RALYL: variants seen among roughly 807,000 people sequenced by gnomAD.
The protein encoded by RALYL is RALY RNA binding protein like.
Under a neutral mutation model 35.1 loss-of-function variants are expected in RALYL, and 29 were observed. The ratio of observed to expected loss-of-function variants is 0.83; its 90% CI spans 0.61 to 1.13. The LOEUF (loss-of-function observed/expected upper bound fraction) is 1.13. Ranked by LOEUF, RALYL falls within the 50% of genes most tolerant of loss-of-function variation. The pLI is 0.00. For synonymous variants in RALYL, 120 were observed against 127.6 expected (o/e 0.94, Z 0.40); for missense variants, 359 against 360.4 (o/e 1.00, Z 0.03).
At chr8:84,454,718 A>G (rs911399611) in intron 1 of RALYL, among the ~76,000 whole-genome samples, 4 of 152,040 alleles carry the variant, frequency 2.6e-5, no homozygotes, top group Non-Finnish European at 5.9e-5. Context: ...TTAACATTCA[A>G]TGTTAGGTAC....
Position 84,422,061 on chromosome 8 carries a change from A to G in RALYL, c.-23-107238A>G, listed in dbSNP as rs529963410. On this transcript the variant is annotated intron_variant, in intron 1 of 8. Transcript: ENST00000521268. ...TTGGTATCAGGATGATGCTGGCCTC[A>G]TAAAATGAGTTAGGGAGGATTCCCT... is the stretch of plus-strand genomic sequence containing the variant. Among the ~76,000 whole-genome samples, 846 of 152,088 alleles carry G rather than the reference A, an allele frequency of 5.6e-3. 11 individuals carry two copies. Among genetic ancestry groups the G allele is most frequent in the African/African-American group, 0.019 (778 of 41,448 alleles).
At chr8:84,712,627 C>A (rs1227893335) in intron 2 of RALYL, among the ~76,000 whole-genome samples, 4 of 152,260 alleles carry the variant, frequency 2.6e-5, no homozygotes, top group Non-Finnish European at 2.9e-5. Context: ...CTTTTAATTT[C>A]TCTTCTAAGA....
chr8:84,331,332 G>T (rs1563745222), intron 1 of RALYL, among the ~76,000 whole-genome samples: 1 of 152,078 alleles, frequency 6.6e-6, no homozygotes, highest in Admixed American at 6.6e-5. Flanking sequence ...GAGTCACAGA[G>T]AAGTATAAGG....
At chr8:84,606,319 A>C (rs906324566) in intron 2 of RALYL, among the ~76,000 whole-genome samples, 2 of 152,106 alleles carry the variant, frequency 1.3e-5, no homozygotes, top group African/African-American at 4.8e-5. Context: ...TTTCAGCAAA[A>C]ATCCCCCAGT....
intron 8 of RALYL, among the ~76,000 whole-genome samples, chr8:84,888,949 C>G (rs1563814832): frequency 6.6e-6 from 1 of 152,076 alleles, no homozygotes; most frequent in African/African-American, 2.4e-5. Context: ...GCGGTTTCAC[C>G]ATGTTGGCCA....
chr8:84,661,077 C>T (rs1830811874), intron 2 of RALYL, among the ~76,000 whole-genome samples: 1 of 151,876 alleles, frequency 6.6e-6, no homozygotes, highest in Non-Finnish European at 1.5e-5. Flanking sequence ...TACAGGCGCC[C>T]CCCACCATGC....
chr8:84,419,550 T>A (rs1021189422), intron 1 of RALYL, among the ~76,000 whole-genome samples: 1 of 152,084 alleles, frequency 6.6e-6, no homozygotes, highest in Non-Finnish European at 1.5e-5. Context: ...TAACTTTTTT[T>A]TTTTTATTAT....
intron 2 of RALYL, among the ~76,000 whole-genome samples, chr8:84,615,376 G>A (rs1006818314): frequency 6.7e-6 from 1 of 150,292 alleles, no homozygotes; most frequent in East Asian, 1.9e-4. Context: ...TGCGTAGCAT[G>A]GGCATCTGCA....
At chr8:84,661,331 T>C (rs1039380617) in intron 2 of RALYL, among the ~76,000 whole-genome samples, 1 of 152,184 alleles carries the variant, frequency 6.6e-6, no homozygotes, top group African/African-American at 2.4e-5. Context: ...CACCCACTCC[T>C]CTGATAAATC....
intron 1 of RALYL, among the ~76,000 whole-genome samples, chr8:84,467,423 A>G (rs1406118255): frequency 1.1e-4 from 17 of 148,938 alleles, no homozygotes; most frequent in East Asian, 2.0e-4. Context: ...TCAGGAGCAG[A>G]TTGTTCAGTT....
At chr8:84,393,927 T>C (rs770991933) in intron 1 of RALYL, among the ~76,000 whole-genome samples, 39 of 152,112 alleles carry the variant, frequency 2.6e-4, no homozygotes, top group Non-Finnish European at 5.4e-4. Context: ...TATATCTACT[T>C]ACTTTATTCC....
At chr8:84,480,385 A>G (rs2053918301) in intron 1 of RALYL, among the ~76,000 whole-genome samples, 1 of 152,180 alleles carries the variant, frequency 6.6e-6, no homozygotes, top group Admixed American at 6.5e-5. Flanking sequence ...TACCTCAATG[A>G]GAAAATAAAA....
At chr8:84,198,095 G>A (rs1325239064) in intron 1 of RALYL, among the ~76,000 whole-genome samples, 1 of 152,024 alleles carries the variant, frequency 6.6e-6, no homozygotes, top group African/African-American at 2.4e-5. Flanking sequence ...GTAGGATGTA[G>A]GTAGAAACTG....
At chr8:84,880,499 C>A (rs780843212) in intron 7 of RALYL, among the ~76,000 whole-genome samples, 6 of 151,924 alleles carry the variant, frequency 3.9e-5, no homozygotes, top group Non-Finnish European at 7.4e-5. Flanking sequence ...CCAGTCTCAA[C>A]ATTATCCTCT....
At chr8:84,403,114 C>T (rs1458274213) in intron 1 of RALYL, among the ~76,000 whole-genome samples, 6 of 152,032 alleles carry the variant, frequency 3.9e-5, no homozygotes, top group African/African-American at 1.4e-4. Context: ...TGTGGGTTGC[C>T]TATTCATTCT....
chr8:84,254,014 G>A (rs1363794376), intron 1 of RALYL, among the ~76,000 whole-genome samples: 1 of 152,118 alleles, frequency 6.6e-6, no homozygotes, highest in African/African-American at 2.4e-5. Flanking sequence ...ATCATGATAT[G>A]TTCAGCACTG....
At chr8:84,423,696 C>A (rs933535597) in intron 1 of RALYL, among the ~76,000 whole-genome samples, 2 of 151,424 alleles carry the variant, frequency 1.3e-5, no homozygotes, top group African/African-American at 2.4e-5. Flanking sequence ...ACCGGTTGTT[C>A]CTTTCCATGT....
chr8:84,624,648 C>CT (rs1309544214), intron 2 of RALYL, among the ~76,000 whole-genome samples: 1 of 152,168 alleles, frequency 6.6e-6, no homozygotes, highest in Non-Finnish European at 1.5e-5. Flanking sequence ...GCAAAGGCCT[C>CT]TTTTTGTCTT....
chr8:84,691,709 G>C (rs1838098062), intron 2 of RALYL, among the ~76,000 whole-genome samples: 1 of 151,904 alleles, frequency 6.6e-6, no homozygotes, highest in Admixed American at 6.6e-5. Flanking sequence ...AGAAGAGAGT[G>C]AGTCCCCTGG....
Sources: gnomAD v4.1 joint callset for allele counts (sites outside exome capture counted in the v4.1 genomes callset) on GRCh38, gnomAD v4.1.1 for gene constraint, MANE v1.5 for transcripts, NCBI Gene and HGNC (gene_info 2026-07-23, HGNC 2026-07-21) for gene names.